ADGRB3: variants seen among roughly 807,000 people sequenced by gnomAD.
ADGRB3 encodes adhesion G protein-coupled receptor B3, also known as brain-specific angiogenesis inhibitor 3.
In ADGRB3, 37 loss-of-function variants were observed where a neutral mutation model predicts 193.4. That is an observed-to-expected ratio of 0.19 (90% CI 0.15 to 0.25). ADGRB3 has a LOEUF of 0.25. Among genes scored for constraint, ADGRB3 ranks in the 10% least tolerant of loss-of-function variants. ADGRB3 has a pLI of 1.00. For synonymous variants in ADGRB3, 690 were observed against 644.2 expected, an observed-to-expected ratio of 1.07 and a Z score of -1.08; for missense variants, 1,637 against 1,852.9, an observed-to-expected ratio of 0.88 and a Z score of 2.14.
chr6:68,864,924 A>G (rs1486620645), intron 3 of ADGRB3, among the ~76,000 whole-genome samples: 1 of 152,196 alleles, frequency 6.6e-6, no homozygotes, highest in Non-Finnish European at 1.5e-5. Context: ...CATTTTTCTC[A>G]GTCTTCTAAG....
intron 3 of ADGRB3, among the ~76,000 whole-genome samples, chr6:68,652,058 C>G (rs1183058555): frequency 6.6e-6 from 1 of 152,062 alleles, no homozygotes; most frequent in Non-Finnish European, 1.5e-5. Context: ...ATACTCTGCT[C>G]TTCCCCACAC....
At chr6:69,244,140 G>C (rs1293938272) in intron 20 of ADGRB3, among the ~76,000 whole-genome samples, 1 of 152,010 alleles carries the variant, frequency 6.6e-6, no homozygotes, top group African/African-American at 2.4e-5. Flanking sequence ...ATAATGGGCT[G>C]TGTCTTTTAA....
intron 3 of ADGRB3, among the ~76,000 whole-genome samples, chr6:68,844,298 G>GA (rs1248305792): frequency 6.6e-6 from 1 of 151,662 alleles, no homozygotes; most frequent in East Asian, 1.9e-4. Flanking sequence ...TTAATAACTA[G>GA]AAAAAAGAGC....
chr6:69,253,260 C>G (rs2127268022), intron 20 of ADGRB3, among the ~76,000 whole-genome samples: 1 of 152,082 alleles, frequency 6.6e-6, no homozygotes, highest in South Asian at 2.1e-4. Context: ...TTTGCTTAAT[C>G]TAGGTATTTT....
chr6:69,205,083 A>G (rs1339680807), intron 17 of ADGRB3, among the ~76,000 whole-genome samples: 2 of 152,214 alleles, frequency 1.3e-5, no homozygotes, highest in African/African-American at 4.8e-5. Context: ...AATGTTTAGC[A>G]TATTGCAAAC....
chr6:69,223,410 T>C (rs1765941135), intron 17 of ADGRB3, among the ~76,000 whole-genome samples: 1 of 152,112 alleles, frequency 6.6e-6, no homozygotes, highest in African/African-American at 2.4e-5. Flanking sequence ...TCTCAACAGT[T>C]ATTTTTAAGC....
At chr6:69,062,218 A>G (rs530562024) in intron 15 of ADGRB3, among the ~76,000 whole-genome samples, 56 of 152,076 alleles carry the variant, frequency 3.7e-4, no homozygotes, top group Non-Finnish European at 5.7e-4. Flanking sequence ...TACATATACT[A>G]GAAAAAGTTG....
At chr6:69,366,383 G>A (rs1769568293) in intron 29 of ADGRB3, among the ~76,000 whole-genome samples, 1 of 151,926 alleles carries the variant, frequency 6.6e-6, no homozygotes, top group African/African-American at 2.4e-5. Context: ...AATTTTAATG[G>A]CATATTGCCA....
chr6:68,645,148 TA>T (rs1373761862), intron 3 of ADGRB3, among the ~76,000 whole-genome samples: 3 of 152,140 alleles, frequency 2.0e-5, no homozygotes, highest in Non-Finnish European at 2.9e-5. Flanking sequence ...AGTGTTCATT[TA>T]AAAATAAGAT....
rs117602192 is a variant in ADGRB3 at position 69,324,330 on chromosome 6, G to T, written c.2815-542G>T. On this transcript the variant is annotated intron_variant, in intron 20 of 31. Transcript: ENST00000370598. ...ATTTTATTTTTGTACTATGTTATTAGCCAAACCTCATTTTGTACTTTGCTG... is the reference window on the plus strand; with the variant it reads ...ATTTTATTTTTGTACTATGTTATTATCCAAACCTCATTTTGTACTTTGCTG... Among the ~76,000 whole-genome samples, 1,335 of 152,130 alleles carry T rather than the reference G, an allele frequency of 8.8e-3. 11 individuals are homozygous for T. The highest frequency in any genetic ancestry group is 0.02 in the Middle Eastern group (6 of 294).
chr6:69,332,680 C>G (rs1768755190), intron 23 of ADGRB3: 2 of 985,286 alleles, frequency 2.0e-6, no homozygotes, highest in East Asian at 2.3e-4. Context: ...AGGTTAATTT[C>G]CCCAGTGTTA....
chr6:69,058,568 G>A (rs1771618324), intron 15 of ADGRB3, among the ~76,000 whole-genome samples: 1 of 151,762 alleles, frequency 6.6e-6, no homozygotes, highest in Non-Finnish European at 1.5e-5. Flanking sequence ...CTTTTTTAAT[G>A]TAGGTGTTTA....
chr6:68,830,975 G>A (rs1281752972), intron 3 of ADGRB3, among the ~76,000 whole-genome samples: 1 of 147,584 alleles, frequency 6.8e-6, no homozygotes, highest in Non-Finnish European at 1.5e-5. Flanking sequence ...AAAAGAGAAT[G>A]CTGAAAACAA....
intron 3 of ADGRB3, among the ~76,000 whole-genome samples, chr6:68,754,774 T>C (rs958782861): frequency 4.0e-5 from 6 of 151,586 alleles, no homozygotes; most frequent in African/African-American, 1.5e-4. Flanking sequence ...GTTGAAGATA[T>C]CAACATGTAT....
At chr6:69,056,289 C>CT (rs1417726544) in intron 15 of ADGRB3, among the ~76,000 whole-genome samples, 2 of 152,112 alleles carry the variant, frequency 1.3e-5, no homozygotes, top group Non-Finnish European at 2.9e-5. Context: ...CTATTCAAGT[C>CT]TTTTGCCCAT....
intron 20 of ADGRB3, among the ~76,000 whole-genome samples, chr6:69,289,004 C>T (rs1374268111): frequency 1.3e-5 from 2 of 152,062 alleles, no homozygotes; most frequent in Non-Finnish European, 2.9e-5. Context: ...TGTTTATTCC[C>T]TTTGTGTTCT....
chr6:68,854,758 G>C (rs1392707621), intron 3 of ADGRB3, among the ~76,000 whole-genome samples: 1 of 152,086 alleles, frequency 6.6e-6, no homozygotes, highest in African/African-American at 2.4e-5. Flanking sequence ...TCTGACTCTA[G>C]GGCACAGATT....
chr6:69,372,876 G>A (rs1041489678), intron 30 of ADGRB3, among the ~76,000 whole-genome samples: 3 of 151,760 alleles, frequency 2.0e-5, no homozygotes, highest in Non-Finnish European at 2.9e-5. Flanking sequence ...CTTGTTTCAT[G>A]TTCTGATTCC....
chr6:69,119,094 T>G (rs1773614484), intron 17 of ADGRB3, among the ~76,000 whole-genome samples: 1 of 152,194 alleles, frequency 6.6e-6, no homozygotes, highest in Non-Finnish European at 1.5e-5. Flanking sequence ...AGTCCACCAA[T>G]CCTCCAGTTT....
Sources: gnomAD v4.1 joint callset for allele counts (sites outside exome capture counted in the v4.1 genomes callset) on GRCh38, gnomAD v4.1.1 for gene constraint, MANE v1.5 for transcripts, NCBI Gene and HGNC (gene_info 2026-07-23, HGNC 2026-07-21) for gene names.